Variants in TEKT3 observed in about 807,000 individuals in gnomAD.
The protein encoded by TEKT3 is tektin 3.
In TEKT3, 49 loss-of-function variants were observed where a neutral mutation model predicts 49.8. That is an observed-to-expected ratio of 0.98 (90% CI 0.78 to 1.25). The LOEUF (loss-of-function observed/expected upper bound fraction) is 1.25, where lower values mean the gene tolerates loss of function less well. Ranked by LOEUF, TEKT3 falls within the 50% of genes most tolerant of loss-of-function variation. The probability of loss-of-function intolerance (pLI) is 0.00; values close to 1 mark genes in which losing one functional copy is unlikely to be tolerated. For synonymous variants in TEKT3, 225 were observed against 237.2 expected, an observed-to-expected ratio of 0.95 and a Z score of 0.47; for missense variants, 595 against 629.5, an observed-to-expected ratio of 0.95 and a Z score of 0.59.
rs148020779 is a variant in TEKT3, at chr17:15,320,857, C to G, written c.664-1710G>C. Reference sequence around the variant, plus strand: ...TTTGATGAAATTTTAACAAAAGATGCATGGAGTCCTGCTTAGAAAGGACCA... The same window carrying G: ...TTTGATGAAATTTTAACAAAAGATGGATGGAGTCCTGCTTAGAAAGGACCA... On this transcript the variant is annotated intron_variant, in intron 4 of 8. Transcript: ENST00000395930. Among the ~76,000 whole-genome samples the G allele has an allele frequency of 6.7e-4, 102 of 152,196 alleles. 1 individual carries two copies. The highest frequency in any genetic ancestry group is 2.2e-3 in the African/African-American group (92 of 41,520).
chr17:15,333,099 T>C (rs143272296), intron 2 of TEKT3, among the ~76,000 whole-genome samples: 1 of 152,132 alleles, frequency 6.6e-6, no homozygotes, highest in African/African-American at 2.4e-5. Flanking sequence ...TCATTCTTTT[T>C]ACCAGTTCCA....
intron 2 of TEKT3, chr17:15,338,311 A>G (rs1176702919): frequency 1.3e-5 from 2 of 152,180 alleles, no homozygotes; most frequent in African/African-American, 4.8e-5. Context: ...GTAGCCTTGT[A>G]GTATTTTTTA....
In TEKT3 at chr17:15,314,220, C is replaced by T; in HGVS notation, c.745G>A (p.Ala249Thr). Residue 249 changes from alanine to threonine, a missense_variant, in exon 6 of 9, where the codon GCG (alanine) becomes ACG (threonine). Physicochemically the swap from Ala to Thr is moderately conservative, Grantham distance 58. Transcript: ENST00000395930. ...KAIAQLAANR[A>T]SQHELEKDLS... The stretch of plus-strand genomic sequence containing the variant: ...TCCTTTTCCAGCTCATGCTGGGACG[C>T]TCTGTTGGCTCTGCAATACAGAGTC... The T allele has an allele frequency of 6.2e-7, 1 of 1,614,184 alleles. No individual in the cohort carries two copies. Among genetic ancestry groups the T allele is most frequent in the South Asian group, 1.1e-5 (1 of 91,068 alleles).
At chr17:15,338,824 C>A (rs1002645023) in intron 2 of TEKT3, among the ~76,000 whole-genome samples, 4 of 151,856 alleles carry the variant, frequency 2.6e-5, no homozygotes, top group African/African-American at 9.7e-5. Flanking sequence ...CCAGTCAATT[C>A]TTAAGAGAGC....
chr17:15,337,735 A>G (rs1489443157), intron 2 of TEKT3, among the ~76,000 whole-genome samples: 2 of 152,060 alleles, frequency 1.3e-5, no homozygotes, highest in Non-Finnish European at 2.9e-5. Flanking sequence ...CCAGCTACTC[A>G]GGAGGCTGAG....
chr17:15,333,429 C>T (rs1273458678), intron 2 of TEKT3, among the ~76,000 whole-genome samples: 2 of 152,080 alleles, frequency 1.3e-5, no homozygotes, highest in East Asian at 3.9e-4. Context: ...CTTATAGAAC[C>T]CTAGTTCTCT....
At chr17:15,330,173 A>T (rs1390819380) in intron 3 of TEKT3, among the ~76,000 whole-genome samples, 1 of 152,264 alleles carries the variant, frequency 6.6e-6, no homozygotes, top group Non-Finnish European at 1.5e-5. Flanking sequence ...AAAGGGAATC[A>T]TAACATATAT....
At chr17:15,342,399 C>T (rs1011580385), upstream of TEKT3, among the ~76,000 whole-genome samples, 1 of 152,192 alleles carries the variant, frequency 6.6e-6, no homozygotes. Context: ...CACCGAGTTA[C>T]TTTGGTAACT....
At chr17:15,338,209 T>C (rs7213020) in intron 2 of TEKT3, among the ~76,000 whole-genome samples, 56,759 of 152,066 alleles carry the variant, frequency 0.37, 12,448 homozygotes, top group African/African-American at 0.6. Context: ...AACAACTTTA[T>C]GGCAAGAAAT....
intron 7 of TEKT3, 76 bp from the exon 8 acceptor site, chr17:15,308,894 C>A: frequency 6.4e-7 from 1 of 1,550,460 alleles, no homozygotes; most frequent in Non-Finnish European, 8.8e-7. Flanking sequence ...TCTTGCCTGT[C>A]CACTCCATGT....
At chr17:15,341,915 A>G (rs1262837731), upstream of TEKT3, among the ~76,000 whole-genome samples, 1 of 152,204 alleles carries the variant, frequency 6.6e-6, no homozygotes, top group Non-Finnish European at 1.5e-5. Flanking sequence ...GAACTCTTCC[A>G]GCTGCGAAGA....
intron 4 of TEKT3, among the ~76,000 whole-genome samples, chr17:15,321,860 T>A (rs1408635651): frequency 2.6e-5 from 4 of 152,206 alleles, no homozygotes; most frequent in Non-Finnish European, 5.9e-5. Context: ...ATCCTACTAT[T>A]TGAGCGGCTG....
rs1282149175 is a variant in TEKT3 at position 15,331,367 on chromosome 17, C to G, written c.219G>C (p.Gln73His). 1 of 1,614,054 alleles carries G rather than the reference C, an allele frequency of 6.2e-7. No homozygotes were observed. The highest frequency in any genetic ancestry group is 1.3e-5 in the African/African-American group (1 of 74,922). The change falls in exon 3 of 9, where the codon CAG (glutamine) becomes CAC (histidine). Residue 73 changes from glutamine to histidine, a missense_variant. Coordinates refer to ENST00000395930, the MANE Select transcript of TEKT3 (RefSeq NM_031898.3). ...PSVAPYCTRS[Q>H]RVSENTMLPF... ...GAAGCATGGTATTCTCGGACACCCT[C>G]TGTGATCTGGTGCAGTACGGGGCCA...
At chr17:15,341,880 G>A (rs757210339), upstream of TEKT3, among the ~76,000 whole-genome samples, 5 of 152,180 alleles carry the variant, frequency 3.3e-5, no homozygotes, top group Non-Finnish European at 4.4e-5. Context: ...GTGATTTCCC[G>A]ACCTCTCCTG....
intron 8 of TEKT3, among the ~76,000 whole-genome samples, chr17:15,305,723 G>A (rs1028067803): frequency 2.6e-5 from 4 of 151,016 alleles, no homozygotes; most frequent in Admixed American, 1.3e-4. Context: ...AGCCAAATAC[G>A]AGTCTAGTGG....
At position 15,303,882 on chromosome 17, in the gene TEKT3, G is replaced by T; in HGVS notation, c.*54C>A. 1 of 1,518,138 alleles carries T rather than the reference G, an allele frequency of 6.6e-7. No individual in the cohort carries two copies. Among genetic ancestry groups the T allele is most frequent in the Non-Finnish European group, 9.1e-7 (1 of 1,094,764 alleles). The allele number at this position is 1,518,138 out of a possible 1,614,324, so 94.0% of individuals were successfully genotyped here. A position where few individuals can be genotyped will look rare whatever the true frequency, so the allele number is the denominator to read the frequency against. ...AGCATTCGGTTCAAATGCTGAGACA[G>T]TGCTCTGGCTCAGCCTTAACTTAGG... On this transcript the variant is annotated 3_prime_UTR_variant, in exon 9 of 9. Coordinates refer to ENST00000395930, the MANE Select transcript of TEKT3 (RefSeq NM_031898.3).
At chr17:15,330,972 A>G (rs1254083731) in intron 3 of TEKT3, 35 bp downstream of exon 3, 16 of 1,534,626 alleles carry the variant, frequency 1.0e-5, no homozygotes, top group Non-Finnish European at 1.3e-5. Context: ...GGTTATAATC[A>G]TAAAAATTCA....
At chr17:15,324,497 C>T (rs921626063) in intron 4 of TEKT3, among the ~76,000 whole-genome samples, 1 of 152,152 alleles carries the variant, frequency 6.6e-6, no homozygotes, top group Non-Finnish European at 1.5e-5. Flanking sequence ...CATACAGGGT[C>T]ATTCATGCTT....
At chr17:15,324,622 T>C (rs750917824) in intron 4 of TEKT3, among the ~76,000 whole-genome samples, 1 of 152,206 alleles carries the variant, frequency 6.6e-6, no homozygotes, top group Non-Finnish European at 1.5e-5. Flanking sequence ...ATTAGAACTA[T>C]CCTCATGGGT....
Sources: gnomAD v4.1 joint callset for allele counts (sites outside exome capture counted in the v4.1 genomes callset) on GRCh38, gnomAD v4.1.1 for gene constraint, MANE v1.5 for transcripts, NCBI Gene and HGNC (gene_info 2026-07-23, HGNC 2026-07-21) for gene names.